DSCAM: variants seen among roughly 807,000 people sequenced by gnomAD.
DSCAM encodes cell adhesion molecule DSCAM.
Under a neutral mutation model 217.7 loss-of-function variants are expected in DSCAM, and 47 were observed. The ratio of observed to expected loss-of-function variants is 0.22; its 90% CI spans 0.17 to 0.28. The LOEUF (loss-of-function observed/expected upper bound fraction) is 0.28, where lower values mean the gene tolerates loss of function less well. DSCAM is among the 10% of genes least tolerant of loss of function. DSCAM has a pLI of 1.00. For synonymous variants in DSCAM, 1,056 were observed against 1,015.3 expected (o/e 1.04, Z -0.76); for missense variants, 2,080 against 2,618.3 (o/e 0.79, Z 4.49).
At chr21:40,663,268 G>GGGGGGGTGTATATGTGTGTGTGT (rs1568970582) in intron 3 of DSCAM, among the ~76,000 whole-genome samples, 2 of 42,670 alleles carry the variant, frequency 4.7e-5, no homozygotes, top group East Asian at 3.1e-3. Context: ...GTGTGTGTGT[G>GGGGGGGTGTATATGTGTGTGTGT]GGGGGGGTGT....
intron 3 of DSCAM, among the ~76,000 whole-genome samples, chr21:40,533,603 GTCCATCCATCCA>G (rs1215587677): frequency 9.9e-6 from 1 of 101,434 alleles, no homozygotes; most frequent in East Asian, 2.9e-4. Context: ...CCACCTGTCT[GTCCATCCATCCA>G]TCCATCCATC....
chr21:40,621,933 G>A (rs2089523706), intron 3 of DSCAM, among the ~76,000 whole-genome samples: 1 of 24,966 alleles, frequency 4.0e-5, no homozygotes, highest in Non-Finnish European at 9.2e-5. Context: ...GGAAGGAAAG[G>A]AAGGAAGAAA....
intron 1 of DSCAM, among the ~76,000 whole-genome samples, chr21:40,811,277 T>C (rs1157112336): frequency 1.3e-5 from 2 of 152,202 alleles, no homozygotes; most frequent in African/African-American, 2.4e-5. Flanking sequence ...TGTTATATAT[T>C]AGCCAGAACC....
At chr21:40,628,511 T>C (rs1055298407) in intron 3 of DSCAM, among the ~76,000 whole-genome samples, 1 of 152,190 alleles carries the variant, frequency 6.6e-6, no homozygotes, top group Non-Finnish European at 1.5e-5. Context: ...CCAAGATCAT[T>C]TGTTTATGTA....
intron 3 of DSCAM, among the ~76,000 whole-genome samples, chr21:40,663,406 C>G (rs1453455021): frequency 6.6e-6 from 1 of 152,034 alleles, no homozygotes; most frequent in Non-Finnish European, 1.5e-5. Context: ...TCGCACACAA[C>G]GTGGAATTGC....
At chr21:40,401,943 G>A (rs2075237587) in intron 3 of DSCAM, among the ~76,000 whole-genome samples, 6 of 151,382 alleles carry the variant, frequency 4.0e-5, no homozygotes, top group South Asian at 4.2e-4. Flanking sequence ...GAGCAACACT[G>A]GACAATAATC....
intron 15 of DSCAM, among the ~76,000 whole-genome samples, chr21:40,168,119 C>A (rs1187306620): frequency 2.6e-5 from 4 of 152,102 alleles, no homozygotes; most frequent in African/African-American, 9.7e-5. Context: ...GCTCTAGCCA[C>A]AGAGTGCTGA....
chr21:40,069,515 A>G (rs2089258652), intron 27 of DSCAM, among the ~76,000 whole-genome samples: 2 of 152,236 alleles, frequency 1.3e-5, no homozygotes, highest in South Asian at 2.1e-4. Context: ...GCACACTCAA[A>G]TGCTTCTTTA....
At chr21:40,826,619 T>C (rs2091971003) in intron 1 of DSCAM, among the ~76,000 whole-genome samples, 3 of 152,194 alleles carry the variant, frequency 2.0e-5, no homozygotes, top group Non-Finnish European at 2.9e-5. Context: ...ATTCTTAAAG[T>C]AGCATCACTA....
chr21:40,149,034 CCAA>C (rs1163393639), intron 16 of DSCAM, among the ~76,000 whole-genome samples: 4 of 152,086 alleles, frequency 2.6e-5, no homozygotes, highest in Admixed American at 6.6e-5. Context: ...TATCCCAAAA[CCAA>C]CAACACTATC....
At chr21:40,323,084 A>T (rs2123529336) in intron 8 of DSCAM, among the ~76,000 whole-genome samples, 1 of 152,212 alleles carries the variant, frequency 6.6e-6, no homozygotes, top group Non-Finnish European at 1.5e-5. Context: ...CTGATTGAGG[A>T]GCAATTCTGC....
intron 1 of DSCAM, among the ~76,000 whole-genome samples, chr21:40,840,777 G>T (rs2092094614): frequency 6.6e-6 from 1 of 152,114 alleles, no homozygotes; most frequent in Non-Finnish European, 1.5e-5. Flanking sequence ...GCAAGATAGG[G>T]ACCAGGAGAG....
intron 1 of DSCAM, among the ~76,000 whole-genome samples, chr21:40,767,075 T>C (rs533689464): frequency 2.0e-5 from 3 of 152,066 alleles, no homozygotes; most frequent in Non-Finnish European, 4.4e-5. Context: ...GTAGGGGAAA[T>C]GTGGAACAGG....
intron 2 of DSCAM, 48 bp downstream of exon 2, chr21:40,708,406 C>T: frequency 2.9e-6 from 4 of 1,369,612 alleles, no homozygotes; most frequent in South Asian, 4.3e-5. Context: ...TCATTATCCT[C>T]CCATCCCAAG....
Position 40,493,877 on chromosome 21 carries a change from A to ATAT in DSCAM, c.509-124633_509-124632insATA, listed in dbSNP as rs1183118307. Among the ~76,000 whole-genome samples the ATAT allele has an allele frequency of 2.4e-3, 324 of 132,444 alleles. 5 individuals are homozygous for ATAT. Among genetic ancestry groups the ATAT allele is most frequent in the South Asian group, 0.015 (59 of 3,950 alleles). 86.9% of individuals were successfully genotyped at this position (132,444 alleles called of 152,430 possible). On this transcript the variant is annotated intron_variant, in intron 3 of 32. Transcript: ENST00000400454. The stretch of plus-strand genomic sequence containing the variant: ...AAACTCCATCTCAAAAAAAAAAAAA[A>ATAT]AAATATATACATATATATACATATA...
chr21:40,468,269 A>C (rs1265738497), intron 3 of DSCAM, among the ~76,000 whole-genome samples: 1 of 152,120 alleles, frequency 6.6e-6, no homozygotes, highest in East Asian at 1.9e-4. Context: ...TCATCTTTGG[A>C]GGAAGGCACA....
intron 8 of DSCAM, among the ~76,000 whole-genome samples, chr21:40,324,187 T>C (rs554667548): frequency 6.6e-6 from 1 of 150,986 alleles, no homozygotes; most frequent in East Asian, 1.9e-4. Flanking sequence ...ATAACTTTTT[T>C]CCCAAAAATT....
At chr21:40,349,319 A>T (rs963984318) in intron 5 of DSCAM, among the ~76,000 whole-genome samples, 1 of 150,920 alleles carries the variant, frequency 6.6e-6, no homozygotes, top group Non-Finnish European at 1.5e-5. Flanking sequence ...ATTGTGAGGA[A>T]AAAAAAAACA....
At chr21:40,754,705 G>C (rs1389151000) in intron 1 of DSCAM, among the ~76,000 whole-genome samples, 1 of 152,214 alleles carries the variant, frequency 6.6e-6, no homozygotes, top group African/African-American at 2.4e-5. Flanking sequence ...AGTGCTGCCA[G>C]GAAATGGTAA....
Sources: allele counts gnomAD v4.1 joint callset (sites outside exome capture counted in the v4.1 genomes callset), GRCh38; gene constraint gnomAD v4.1.1; transcripts MANE v1.5; gene names NCBI Gene and HGNC (gene_info 2026-07-23, HGNC 2026-07-21).